The following CIMAP2 variants were observed in gnomAD, a reference collection of about 807,000 sequenced individuals.
The protein encoded by CIMAP2 is ciliary microtubule associated protein 2, also known as ciliary microtubule-associated protein 2.
At chr1:54,816,974 C>T in the CIMAP2 span, 19 of 1,613,994 alleles carry the variant, frequency 1.2e-5, no homozygotes, top group African/African-American at 2.7e-5. Flanking sequence ...TCCTGCCATC[C>T]TCTCCCTGTT....
chr1:54,817,147 G>T, the CIMAP2 span: 1 of 1,613,360 alleles, frequency 6.2e-7, no homozygotes, highest in Non-Finnish European at 8.5e-7. Context: ...AGCTGCAGGC[G>T]AAGGGGCGAG....
At chr1:54,811,968 C>A in the CIMAP2 span, 3 of 1,613,996 alleles carry the variant, frequency 1.9e-6, no homozygotes, top group Non-Finnish European at 2.5e-6. Context: ...CCTGCCTTCC[C>A]GTCCTGCAGG....
chr1:54,821,209 C>T, the CIMAP2 span, among the ~76,000 whole-genome samples: 1 of 128,960 alleles, frequency 7.8e-6, no homozygotes, highest in Non-Finnish European at 1.6e-5. Flanking sequence ...GATTCTTTTG[C>T]TGTGCAAAAG....
chr1:54,825,135 C>T, the CIMAP2 span, among the ~76,000 whole-genome samples: 1 of 147,460 alleles, frequency 6.8e-6, no homozygotes, highest in Non-Finnish European at 1.5e-5. Flanking sequence ...ACTGCAAGCT[C>T]CGCCTCCAGG....
the CIMAP2 span, among the ~76,000 whole-genome samples, chr1:54,814,277 CTGCA>C: frequency 6.6e-6 from 1 of 152,222 alleles, no homozygotes; most frequent in African/African-American, 2.4e-5. Flanking sequence ...GACCTTCCCC[CTGCA>C]CCTCCCTCCT....
the CIMAP2 span, among the ~76,000 whole-genome samples, chr1:54,836,282 C>CCTGCCT: frequency 6.6e-6 from 1 of 150,630 alleles, no homozygotes; most frequent in African/African-American, 2.5e-5. Flanking sequence ...CCTACCTGCC[C>CCTGCCT]GCCTGCCTGC....
the CIMAP2 span, among the ~76,000 whole-genome samples, chr1:54,820,872 G>A: frequency 0.2 from 29,662 of 152,072 alleles, 3,713 homozygotes; most frequent in African/African-American, 0.35. Context: ...GGGTTCAAGC[G>A]ATTCTCTTGC....
the CIMAP2 span, among the ~76,000 whole-genome samples, chr1:54,829,403 G>A: frequency 6.6e-6 from 1 of 152,246 alleles, no homozygotes; most frequent in Non-Finnish European, 1.5e-5. Flanking sequence ...CAGACTGTTA[G>A]GCTGGGGCAT....
chr1:54,817,874 C>T, the CIMAP2 span, among the ~76,000 whole-genome samples: 1 of 152,148 alleles, frequency 6.6e-6, no homozygotes, highest in East Asian at 1.9e-4. Flanking sequence ...TCAACTTACC[C>T]CCTTGTTCTG....
the CIMAP2 span, among the ~76,000 whole-genome samples, chr1:54,831,348 T>C: frequency 6.6e-6 from 1 of 152,118 alleles, no homozygotes; most frequent in Non-Finnish European, 1.5e-5. Context: ...TGAATTAACA[T>C]GGAGAGCTTA....
chr1:54,815,900 C>T, the CIMAP2 span, among the ~76,000 whole-genome samples: 5 of 150,928 alleles, frequency 3.3e-5, no homozygotes, highest in African/African-American at 1.2e-4. Context: ...CACAGGTCAG[C>T]CGCCTCACCT....
the CIMAP2 span, chr1:54,812,283 G>C: frequency 6.5e-7 from 1 of 1,531,346 alleles, no homozygotes; most frequent in South Asian, 1.2e-5. Context: ...TGTGTGCCAG[G>C]CTCTGCACCG....
the CIMAP2 span, among the ~76,000 whole-genome samples, chr1:54,822,805 CTCTT>C: frequency 6.6e-6 from 1 of 152,212 alleles, no homozygotes; most frequent in South Asian, 2.1e-4. Flanking sequence ...TATGCCTGGC[CTCTT>C]TCTTAATTTA....
the CIMAP2 span, among the ~76,000 whole-genome samples, chr1:54,819,812 T>TTTTCTTTCTCTTTCTTTCTTTTTCTTTC: frequency 9.9e-6 from 1 of 100,620 alleles, no homozygotes; most frequent in Admixed American, 1.0e-4. Flanking sequence ...TTCTTTTTCT[T>TTTTCTTTCTCTTTCTTTCTTTTTCTTTC]TTTCTTTCTT....
the CIMAP2 span, among the ~76,000 whole-genome samples, chr1:54,815,381 T>C: frequency 6.6e-6 from 1 of 152,182 alleles, no homozygotes; most frequent in Admixed American, 6.5e-5. Flanking sequence ...GGACCACACT[T>C]TGAGAACCAA....
chr1:54,811,851 G>A, the CIMAP2 span: 3 of 1,519,562 alleles, frequency 2.0e-6, no homozygotes, highest in Non-Finnish European at 2.7e-6. Context: ...CACCAAGCTG[G>A]AGGAGAATGC....
chr1:54,822,287 C>T, the CIMAP2 span, among the ~76,000 whole-genome samples: 3 of 151,764 alleles, frequency 2.0e-5, no homozygotes, highest in African/African-American at 4.8e-5. Context: ...TTGTCTTGTT[C>T]GACTCTTATT....
chr1:54,839,203 A>G, the CIMAP2 span, among the ~76,000 whole-genome samples: 1 of 152,074 alleles, frequency 6.6e-6, no homozygotes, highest in Non-Finnish European at 1.5e-5. Context: ...TATCTGGGCA[A>G]TACTAAATGG....
At chr1:54,826,875 C>T in the CIMAP2 span, among the ~76,000 whole-genome samples, 29,973 of 152,276 alleles carry the variant, frequency 0.2, 3,056 homozygotes, top group East Asian at 0.34. Context: ...GTTATCTACT[C>T]GCTGTTTTGG....
Sources: allele counts gnomAD v4.1 joint callset (sites outside exome capture counted in the v4.1 genomes callset), GRCh38; gene constraint gnomAD v4.1.1; transcripts MANE v1.5; gene names NCBI Gene and HGNC (gene_info 2026-07-23, HGNC 2026-07-21).